The following ATP8A1 variants were observed in gnomAD, a reference collection of about 807,000 sequenced individuals.
ATP8A1 encodes the protein phospholipid-transporting ATPase IA.
Under a neutral mutation model 177.7 loss-of-function variants are expected in ATP8A1, and 90 were observed. The ratio of observed to expected loss-of-function variants is 0.51; its 90% confidence interval spans 0.43 to 0.60. ATP8A1 has a LOEUF of 0.60. ATP8A1 is among the 20% of genes least tolerant of loss of function. ATP8A1 has a pLI of 0.00. For synonymous variants in ATP8A1, 493 were observed against 485.9 expected (o/e 1.01, Z -0.19); for missense variants, 1,072 against 1,392.8 (o/e 0.77, Z 3.67).
intron 1 of ATP8A1, among the ~76,000 whole-genome samples, chr4:42,631,105 C>T (rs566630855): frequency 3.4e-4 from 52 of 152,198 alleles, no homozygotes; most frequent in South Asian, 6.2e-4. Context: ...AAATGGGAGG[C>T]GGCTTCTGGG....
In ATP8A1 at chr4:42,412,138, CAG is replaced by C. The variant is rs1304330837; in HGVS notation, c.*776_*777del. 3.9e-5 allele frequency: 6 copies of C among 152,174 alleles called. No homozygotes were observed. The highest frequency in any genetic ancestry group is 1.3e-4 in the Admixed American group (2 of 15,278). 9.4% of individuals were successfully genotyped at this position (152,174 alleles called of 1,614,324 possible). The stretch of plus-strand genomic sequence containing the variant: ...GTTTGAAAAATCAGTGTCATAACAA[CAG>C]AGTCACATTAACACGTGTGTCCTCT... On this transcript the variant is annotated 3_prime_UTR_variant, in exon 37 of 37. Transcript: ENST00000381668.
At chr4:42,638,805 C>A (rs1308524391) in intron 1 of ATP8A1, among the ~76,000 whole-genome samples, 1 of 152,154 alleles carries the variant, frequency 6.6e-6, no homozygotes, top group Non-Finnish European at 1.5e-5. Context: ...ATCTACCAAG[C>A]ATCTCCTAGA....
intron 14 of ATP8A1, among the ~76,000 whole-genome samples, chr4:42,573,466 A>G (rs1310729809): frequency 1.3e-5 from 2 of 152,176 alleles, no homozygotes; most frequent in Non-Finnish European, 2.9e-5. Flanking sequence ...TCTTACATCT[A>G]AGGAAATTAG....
chr4:42,555,126 TATCTATCTATCTAATCTATCTATCTATC>T (rs1729978227), intron 16 of ATP8A1, among the ~76,000 whole-genome samples: 3 of 79,892 alleles, frequency 3.8e-5, no homozygotes, highest in African/African-American at 5.3e-5. Context: ...TCTATCTATC[TATCTATCTATCTAATCTATCTATCTATC>T]TATCTATCTA....
intron 15 of ATP8A1, among the ~76,000 whole-genome samples, chr4:42,557,744 T>TA (rs1730390290): frequency 6.6e-6 from 1 of 152,012 alleles, no homozygotes; most frequent in African/African-American, 2.4e-5. Flanking sequence ...CAAGATAATT[T>TA]AAAAAACCCC....
chr4:42,496,948 G>A (rs894358453), intron 24 of ATP8A1, among the ~76,000 whole-genome samples: 3 of 152,132 alleles, frequency 2.0e-5, no homozygotes, highest in Admixed American at 1.3e-4. Context: ...TATTCCAGAA[G>A]AGTCTCCCTC....
chr4:42,616,225 T>C (rs1014180300), intron 4 of ATP8A1, 147 bp from the exon 5 acceptor site: 2 of 668,572 alleles, frequency 3.0e-6, no homozygotes, highest in Non-Finnish European at 5.0e-6. Context: ...TATACATTGA[T>C]GGAGGAGTGG....
At chr4:42,537,503 T>C (rs1727971188) in intron 20 of ATP8A1, among the ~76,000 whole-genome samples, 1 of 152,096 alleles carries the variant, frequency 6.6e-6, no homozygotes, top group South Asian at 2.1e-4. Context: ...GACATGATCA[T>C]ATACCTAAAA....
chr4:42,477,542 G>T (rs112817932), intron 25 of ATP8A1, among the ~76,000 whole-genome samples: 1 of 152,134 alleles, frequency 6.6e-6, no homozygotes, highest in African/African-American at 2.4e-5. Flanking sequence ...ACTCTTGCCT[G>T]GGGGCATACA....
At chr4:42,512,778 T>C (rs1307470972) in intron 22 of ATP8A1, among the ~76,000 whole-genome samples, 1 of 152,130 alleles carries the variant, frequency 6.6e-6, no homozygotes, top group African/African-American at 2.4e-5. Context: ...CACCCAGAAT[T>C]CCTCATTGAA....
At chr4:42,431,214 T>A (rs1004579934) in intron 33 of ATP8A1, among the ~76,000 whole-genome samples, 2 of 152,184 alleles carry the variant, frequency 1.3e-5, no homozygotes, top group Non-Finnish European at 1.5e-5. Flanking sequence ...ACTTTAATTT[T>A]TACTGATATG....
At chr4:42,611,848 A>C (rs11929758) in intron 5 of ATP8A1, among the ~76,000 whole-genome samples, 34,245 of 152,234 alleles carry the variant, frequency 0.22, 4,341 homozygotes, top group Non-Finnish European at 0.29. Context: ...ATTTGGCAGA[A>C]CAACTCATCT....
chr4:42,453,942 A>C (rs1718209865), intron 29 of ATP8A1, among the ~76,000 whole-genome samples: 3 of 152,226 alleles, frequency 2.0e-5, no homozygotes. Context: ...CAGCAATGTG[A>C]TGAAATTTAA....
chr4:42,467,459 T>C (rs1041413644), intron 25 of ATP8A1, among the ~76,000 whole-genome samples: 25 of 152,070 alleles, frequency 1.6e-4, no homozygotes, highest in African/African-American at 6.0e-4. Context: ...TTTGGGAGGC[T>C]GAGGTGAGCG....
At chr4:42,417,069 G>C (rs1458780837) in intron 35 of ATP8A1, among the ~76,000 whole-genome samples, 1 of 152,038 alleles carries the variant, frequency 6.6e-6, no homozygotes, top group Non-Finnish European at 1.5e-5. Flanking sequence ...TCTTGCTTTA[G>C]TCCTGTAGAG....
At chr4:42,526,721 G>A (rs1480558964) in intron 20 of ATP8A1, among the ~76,000 whole-genome samples, 1 of 151,998 alleles carries the variant, frequency 6.6e-6, no homozygotes, top group Non-Finnish European at 1.5e-5. Flanking sequence ...TTATATATAT[G>A]TATTTATTCT....
intron 33 of ATP8A1, among the ~76,000 whole-genome samples, chr4:42,437,624 T>A (rs1716144322): frequency 6.6e-6 from 1 of 152,208 alleles, no homozygotes; most frequent in African/African-American, 2.4e-5. Context: ...GTAATTCCTT[T>A]TGAACAGTTA....
chr4:42,551,820 A>G (rs1729531515), intron 17 of ATP8A1, among the ~76,000 whole-genome samples: 1 of 152,216 alleles, frequency 6.6e-6, no homozygotes, highest in African/African-American at 2.4e-5. Flanking sequence ...CCCTAATGAT[A>G]TGAGACATAA....
At chr4:42,617,806 T>C (rs1357393883) in intron 4 of ATP8A1, among the ~76,000 whole-genome samples, 2 of 152,212 alleles carry the variant, frequency 1.3e-5, no homozygotes, top group Non-Finnish European at 2.9e-5. Flanking sequence ...AGCATCTCTT[T>C]CCTCTATCTT....
Sources: allele counts gnomAD v4.1 joint callset (sites outside exome capture counted in the v4.1 genomes callset), GRCh38; gene constraint gnomAD v4.1.1; transcripts MANE v1.5; gene names NCBI Gene and HGNC (gene_info 2026-07-23, HGNC 2026-07-21).